Variants in GRM8 observed in about 807,000 individuals in gnomAD.
GRM8 encodes metabotropic glutamate receptor 8.
GRM8 carries 47 observed loss-of-function variants against 87.2 expected under a neutral mutation model. That is an observed-to-expected ratio of 0.54 (90% CI 0.43 to 0.69). GRM8 has a LOEUF of 0.69. GRM8 is among the 30% of genes least tolerant of loss of function. GRM8 has a pLI of 0.00. For synonymous variants in GRM8, 396 were observed against 404.5 expected (o/e 0.98, Z 0.25); for missense variants, 1,019 against 1,139.2 (o/e 0.89, Z 1.52).
intron 2 of GRM8, among the ~76,000 whole-genome samples, chr7:127,225,892 C>G (rs913693635): frequency 1.3e-5 from 2 of 151,806 alleles, no homozygotes; most frequent in Non-Finnish European, 2.9e-5. Context: ...CTTTGTACCT[C>G]CTAGAAGAAT....
At chr7:126,679,026 C>T (rs938421347) in intron 7 of GRM8, among the ~76,000 whole-genome samples, 1 of 152,180 alleles carries the variant, frequency 6.6e-6, no homozygotes, top group African/African-American at 2.4e-5. Context: ...GCCAACAAAG[C>T]TTTCCATTGC....
intron 7 of GRM8, among the ~76,000 whole-genome samples, chr7:126,727,943 G>A (rs556111366): frequency 1.4e-3 from 220 of 152,228 alleles, no homozygotes; most frequent in Non-Finnish European, 2.5e-3. Flanking sequence ...ATTAATATAA[G>A]ATTACATTAT....
intron 7 of GRM8, among the ~76,000 whole-genome samples, chr7:126,723,099 A>G (rs1003828324): frequency 2.0e-5 from 3 of 150,808 alleles, no homozygotes; most frequent in Non-Finnish European, 2.9e-5. Flanking sequence ...CTTTATTAAT[A>G]AAGAACAGAT....
chr7:126,440,937 A>G (rs1311717587), intron 10 of GRM8, among the ~76,000 whole-genome samples: 2 of 152,076 alleles, frequency 1.3e-5, no homozygotes, highest in East Asian at 3.9e-4. Flanking sequence ...CTAGAAAACT[A>G]AAAATATAAA....
intron 3 of GRM8, among the ~76,000 whole-genome samples, chr7:127,015,598 G>A (rs1015134267): frequency 1.3e-5 from 2 of 152,016 alleles, no homozygotes; most frequent in African/African-American, 2.4e-5. Flanking sequence ...TTCACTGTTC[G>A]CAATTCCGAC....
intron 3 of GRM8, among the ~76,000 whole-genome samples, chr7:126,948,210 C>A (rs1490511985): frequency 6.6e-6 from 1 of 151,906 alleles, no homozygotes; most frequent in Non-Finnish European, 1.5e-5. Context: ...TTATGGGATG[C>A]TCTGAGAATC....
intron 3 of GRM8, among the ~76,000 whole-genome samples, chr7:126,929,562 T>G (rs976851299): frequency 6.6e-6 from 1 of 152,092 alleles, no homozygotes; most frequent in Non-Finnish European, 1.5e-5. Flanking sequence ...GCCTCCTGCA[T>G]AGCTGGGACT....
chr7:127,147,521 T>C (rs1211408045), intron 2 of GRM8, among the ~76,000 whole-genome samples: 4 of 151,894 alleles, frequency 2.6e-5, no homozygotes, highest in African/African-American at 7.3e-5. Context: ...TTCCCTCCTA[T>C]CCCCCCACTC....
chr7:127,176,554 G>T (rs768609113), intron 2 of GRM8, among the ~76,000 whole-genome samples: 1 of 152,156 alleles, frequency 6.6e-6, no homozygotes, highest in East Asian at 1.9e-4. Context: ...GCTCCAGAAC[G>T]ACTGCAATTA....
At chr7:127,186,507 G>A (rs1235799797) in intron 2 of GRM8, among the ~76,000 whole-genome samples, 1 of 152,132 alleles carries the variant, frequency 6.6e-6, no homozygotes, top group Non-Finnish European at 1.5e-5. Context: ...CTGTGCTGTG[G>A]TGGATGATGG....
intron 7 of GRM8, among the ~76,000 whole-genome samples, chr7:126,622,952 C>T (rs181763718): frequency 3.3e-5 from 5 of 152,250 alleles, no homozygotes; most frequent in East Asian, 1.9e-4. Context: ...TGTATCTCCA[C>T]GTTATTGTTT....
chr7:127,206,356 C>G (rs1380192931), intron 2 of GRM8, among the ~76,000 whole-genome samples: 9 of 152,172 alleles, frequency 5.9e-5, no homozygotes. Context: ...TTTTCCTAAT[C>G]AATATGGAAA....
intron 7 of GRM8, among the ~76,000 whole-genome samples, chr7:126,636,365 T>C (rs1374925592): frequency 2.0e-5 from 3 of 152,102 alleles, no homozygotes; most frequent in Admixed American, 6.6e-5. Context: ...AAGTTCCCGA[T>C]ATAAAATGGC....
At chr7:126,510,293 CAAA>C (rs3038818) in intron 9 of GRM8, among the ~76,000 whole-genome samples, 10 of 130,004 alleles carry the variant, frequency 7.7e-5, no homozygotes, top group Non-Finnish European at 9.8e-5. Flanking sequence ...TAGGTTTTAG[CAAA>C]AAAAAAAAAA....
chr7:126,564,969 C>T (rs1050010310), intron 8 of GRM8, among the ~76,000 whole-genome samples: 1 of 152,084 alleles, frequency 6.6e-6, no homozygotes, highest in African/African-American at 2.4e-5. Flanking sequence ...CCATAATCAT[C>T]CAAATAGAAG....
intron 2 of GRM8, among the ~76,000 whole-genome samples, chr7:127,122,579 T>G (rs1420955356): frequency 2.6e-5 from 3 of 116,942 alleles, no homozygotes; most frequent in East Asian, 2.0e-4. Flanking sequence ...CATTGCTTTT[T>G]GGATGCCCTT....
chr7:126,985,627 G>A (rs1250628470), intron 3 of GRM8, among the ~76,000 whole-genome samples: 1 of 152,134 alleles, frequency 6.6e-6, no homozygotes, highest in Non-Finnish European at 1.5e-5. Context: ...CATCTTGCTG[G>A]CAGGGATTCT....
chr7:127,180,668 T>C (rs1015308974), intron 2 of GRM8, among the ~76,000 whole-genome samples: 1 of 152,144 alleles, frequency 6.6e-6, no homozygotes, highest in East Asian at 1.9e-4. Flanking sequence ...GTGAGTTTCA[T>C]ACCAGGGATG....
chr7:126,639,118 C>A (rs1186841572), intron 7 of GRM8, among the ~76,000 whole-genome samples: 6 of 152,226 alleles, frequency 3.9e-5, no homozygotes, highest in Admixed American at 3.9e-4. Flanking sequence ...CTATGAAACT[C>A]TGAATCTTCT....
Sources: gnomAD v4.1 joint callset for allele counts (sites outside exome capture counted in the v4.1 genomes callset) on GRCh38, gnomAD v4.1.1 for gene constraint, MANE v1.5 for transcripts, NCBI Gene and HGNC (gene_info 2026-07-23, HGNC 2026-07-21) for gene names.